TBC1D8: variants seen among roughly 807,000 people sequenced by gnomAD.
TBC1D8 encodes the protein TBC1 domain family member 8, also known as BUB2-like protein 1.
In TBC1D8, 65 loss-of-function variants were observed where a neutral mutation model predicts 118.8. That is an observed-to-expected ratio of 0.55 (90% CI 0.45 to 0.67). The LOEUF is 0.67. Among genes scored for constraint, TBC1D8 ranks in the 30% least tolerant of loss-of-function variants. The probability of loss-of-function intolerance (pLI) is 0.00; values close to 1 mark genes in which losing one functional copy is unlikely to be tolerated. For missense variants in TBC1D8, 1,376 were observed against 1,471.2 expected, an observed-to-expected ratio of 0.94 and a Z score of 1.06; for synonymous variants, 566 against 595.8, an observed-to-expected ratio of 0.95 and a Z score of 0.73.
chr2:101,057,039 G>C (rs552156982), intron 3 of TBC1D8, among the ~76,000 whole-genome samples: 3 of 152,278 alleles, frequency 2.0e-5, no homozygotes, highest in Non-Finnish European at 4.4e-5. Flanking sequence ...ATTTTTCAAA[G>C]CATTTTAGCT....
At chr2:101,084,980 C>T (rs1213267373) in intron 2 of TBC1D8, among the ~76,000 whole-genome samples, 1 of 151,732 alleles carries the variant, frequency 6.6e-6, no homozygotes, top group African/African-American at 2.4e-5. Flanking sequence ...ACCTGAGCAG[C>T]TGGGACTACA....
rs189822988 is a variant in TBC1D8, at chr2:101,131,708, G to A, written c.127+19419C>T. ...TGGGCGCCTGTAGTCCCAGCTACTC[G>A]GGAGGCTAAGGCAGGAGAATGACGT... On this transcript the variant is annotated intron_variant, in intron 1 of 19. Transcript: ENST00000409318. 8.1e-3 allele frequency among the ~76,000 whole-genome samples: 1,231 copies of A among 152,104 alleles called. 39 individuals are homozygous for A. Among genetic ancestry groups the A allele is most frequent in the Admixed American group, 0.059 (894 of 15,278 alleles).
At chr2:101,150,924 G>A (rs1282189873) in intron 1 of TBC1D8, among the ~76,000 whole-genome samples, 3 of 152,028 alleles carry the variant, frequency 2.0e-5, no homozygotes, top group South Asian at 2.1e-4. Flanking sequence ...CACGCGCCCG[G>A]GAGCCCCCTC....
At chr2:101,146,542 G>A (rs1369933519) in intron 1 of TBC1D8, among the ~76,000 whole-genome samples, 1 of 152,106 alleles carries the variant, frequency 6.6e-6, no homozygotes, top group Non-Finnish European at 1.5e-5. Context: ...CAGCTGGGTG[G>A]TGATATTTGT....
intron 1 of TBC1D8, among the ~76,000 whole-genome samples, chr2:101,111,201 T>C (rs749358524): frequency 3.3e-5 from 5 of 152,182 alleles, no homozygotes; most frequent in East Asian, 1.9e-4. Flanking sequence ...TTACAAAGCA[T>C]TTCATAATTC....
chr2:101,118,081 T>C (rs193018342), intron 1 of TBC1D8, among the ~76,000 whole-genome samples: 10 of 151,886 alleles, frequency 6.6e-5, no homozygotes, highest in African/African-American at 2.4e-4. Flanking sequence ...TCATCAACCA[T>C]AAAGTCACGA....
intron 15 of TBC1D8, 143 bp from the exon 16 acceptor site, chr2:101,022,664 C>T (rs1158972971): frequency 8.8e-6 from 11 of 1,251,330 alleles, no homozygotes; most frequent in East Asian, 2.8e-5. Context: ...ACCCTGACAT[C>T]CTTACCCACA....
intron 1 of TBC1D8, among the ~76,000 whole-genome samples, chr2:101,090,929 T>C (rs1675993390): frequency 6.6e-6 from 1 of 152,238 alleles, no homozygotes; most frequent in African/African-American, 2.4e-5. Context: ...TTGTCATCAT[T>C]ATCCTCCTCT....
intron 1 of TBC1D8, among the ~76,000 whole-genome samples, chr2:101,131,439 C>T (rs1407494993): frequency 1.3e-5 from 2 of 151,452 alleles, no homozygotes; most frequent in Non-Finnish European, 2.9e-5. Flanking sequence ...CGCTTGAACC[C>T]GGGAGGCAGA....
intron 5 of TBC1D8, 136 bp downstream of exon 5, chr2:101,050,265 A>G (rs1558654185): frequency 2.2e-6 from 3 of 1,337,520 alleles, no homozygotes; most frequent in Admixed American, 2.6e-5. Context: ...ACGACATACA[A>G]AAATCTGGAT....
intron 2 of TBC1D8, among the ~76,000 whole-genome samples, chr2:101,079,517 G>A (rs1390841778): frequency 6.6e-6 from 1 of 151,870 alleles, no homozygotes; most frequent in Non-Finnish European, 1.5e-5. Context: ...TAGGACTACA[G>A]GTGCGCTCCA....
At chr2:101,059,372 G>T in intron 3 of TBC1D8, 49 bp downstream of exon 3, 1 of 1,462,002 alleles carries the variant, frequency 6.8e-7, no homozygotes, top group Non-Finnish European at 9.6e-7. Context: ...AATGTCTTAA[G>T]GAAGAAAGAT....
At position 101,011,435 on chromosome 2, in the gene TBC1D8, GAA is replaced by G; in HGVS notation, c.2917+14_2917+15del. On this transcript the variant is annotated intron_variant, in intron 18 of 19. Coordinates refer to ENST00000409318, the MANE Select transcript of TBC1D8 (RefSeq NM_001330348.2). ...GTGGTATGCAGGGGAAAGCAACAAT[GAA>G]AAGAGGTACGTGCCATTGGGTTTCC... 6.2e-7 allele frequency: 1 copy of G among 1,613,588 alleles called. No individual in the cohort carries two copies.
At chr2:101,013,942 G>A (rs1056269216) in intron 17 of TBC1D8, among the ~76,000 whole-genome samples, 3 of 152,186 alleles carry the variant, frequency 2.0e-5, no homozygotes, top group East Asian at 1.9e-4. Context: ...TTATAGCAGC[G>A]AGGCCCTGCG....
chr2:101,050,763 C>CT, intron 4 of TBC1D8, 122 bp from the exon 5 acceptor site: 1 of 1,273,216 alleles, frequency 7.9e-7, no homozygotes, highest in Non-Finnish European at 1.1e-6. Flanking sequence ...TTTAAAAAAT[C>CT]TTTTAAGTTC....
chr2:101,063,839 T>C (rs1682886767), intron 2 of TBC1D8, among the ~76,000 whole-genome samples: 1 of 151,980 alleles, frequency 6.6e-6, no homozygotes, highest in Admixed American at 6.6e-5. Flanking sequence ...GTTAGAGTTA[T>C]GCACACACAT....
In TBC1D8 at chr2:101,146,446, T is replaced by C. The variant is rs916741808; in HGVS notation, c.127+4681A>G. ...ATCAATTCAAATTACAACTTTTAAA[T>C]TGTCAGCCAATTTAAGAGAAGAATT... On this transcript the variant is annotated intron_variant, in intron 1 of 19. Coordinates refer to ENST00000409318, the MANE Select transcript of TBC1D8 (RefSeq NM_001330348.2). Among the ~76,000 whole-genome samples the C allele has an allele frequency of 2.0e-5, 3 of 152,288 alleles. 1 individual carries two copies.
chr2:101,007,932 C>A lies in TBC1D8; in HGVS notation c.3357G>T (p.Lys1119Asn). The A allele has an allele frequency of 6.2e-7, 1 of 1,613,980 alleles. No individual in the cohort carries two copies. Among genetic ancestry groups the A allele is most frequent in the Non-Finnish European group, 8.5e-7 (1 of 1,179,886 alleles). Residue 1119 changes from lysine (K) to asparagine (N), a missense_variant, in exon 20 of 20, where the codon AAG becomes AAT. By Grantham distance (94) the Lys-to-Asn change is moderately conservative. Coordinates refer to ENST00000409318, the MANE Select transcript of TBC1D8 (RefSeq NM_001330348.2). ...CAAGTTTGGATTTCATGTCCAGTGG[C>A]TTTTCAAAAAAGTTGACTAATGACT... ...TEQSLVNFFE[K>N]PLDMKSKLEN...
At chr2:101,021,250 T>C (rs1246237666) in intron 17 of TBC1D8, among the ~76,000 whole-genome samples, 1 of 152,226 alleles carries the variant, frequency 6.6e-6, no homozygotes, top group Admixed American at 6.5e-5. Context: ...AATGGCTTCC[T>C]TTTCCTGGTT....
Sources: gnomAD v4.1 joint callset for allele counts (sites outside exome capture counted in the v4.1 genomes callset) on GRCh38, gnomAD v4.1.1 for gene constraint, MANE v1.5 for transcripts, NCBI Gene and HGNC (gene_info 2026-07-23, HGNC 2026-07-21) for gene names.